Variants in EYA1 observed in about 807,000 individuals in gnomAD.
EYA1 encodes the protein EYA transcriptional coactivator and phosphatase 1.
A neutral mutation model predicts 82.0 loss-of-function variants in EYA1; 16 were observed. That is an observed-to-expected ratio of 0.20 (90% CI 0.13 to 0.30). The LOEUF (loss-of-function observed/expected upper bound fraction) is 0.30. Among genes scored for constraint, EYA1 ranks in the 10% least tolerant of loss-of-function variants. The probability of loss-of-function intolerance (pLI) is 1.00; values close to 1 mark genes in which losing one functional copy is unlikely to be tolerated. For synonymous variants in EYA1, 261 were observed against 264.4 expected, an observed-to-expected ratio of 0.99 and a Z score of 0.12; for missense variants, 633 against 730.7, an observed-to-expected ratio of 0.87 and a Z score of 1.54.
At chr8:71,322,061 T>C in intron 5 of EYA1, 138 bp downstream of exon 5, 1 of 1,081,118 alleles carries the variant, frequency 9.2e-7, no homozygotes, top group Non-Finnish European at 1.4e-6. Context: ...AAAATAAATT[T>C]GTATCAATAT....
intron 7 of EYA1, among the ~76,000 whole-genome samples, chr8:71,309,034 G>A (rs1269411698): frequency 1.3e-5 from 2 of 152,142 alleles, no homozygotes; most frequent in Non-Finnish European, 2.9e-5. Flanking sequence ...AAGGCCAGAT[G>A]GGCTATTTAA....
intron 17 of EYA1, 71 bp from the exon 18 acceptor site, chr8:71,199,491 C>G (rs1264698307): frequency 5.0e-6 from 5 of 998,610 alleles, no homozygotes; most frequent in Non-Finnish European, 7.8e-6. Context: ...TTTTGGAAAT[C>G]CACTCCCATG....
At chr8:71,263,167 A>G (rs1430602475) in intron 11 of EYA1, among the ~76,000 whole-genome samples, 2 of 151,918 alleles carry the variant, frequency 1.3e-5, no homozygotes, top group Admixed American at 1.3e-4. Context: ...TCCTGGGCAC[A>G]CAGGAAGGCT....
At chr8:71,297,705 C>T (rs929281609) in intron 9 of EYA1, among the ~76,000 whole-genome samples, 3 of 152,070 alleles carry the variant, frequency 2.0e-5, no homozygotes, top group Admixed American at 6.5e-5. Context: ...TCTATAAGAA[C>T]TCCTATAATA....
chr8:71,415,374 A>C (rs1163110532), intron 2 of EYA1, among the ~76,000 whole-genome samples: 1 of 152,208 alleles, frequency 6.6e-6, no homozygotes, highest in Non-Finnish European at 1.5e-5. Flanking sequence ...CAATTTTCAC[A>C]ATAACCCCAT....
intron 9 of EYA1, among the ~76,000 whole-genome samples, chr8:71,281,686 GC>G (rs1487280246): frequency 2.0e-5 from 3 of 152,246 alleles, no homozygotes; most frequent in African/African-American, 7.2e-5. Context: ...TGGAGGTGCA[GC>G]CTGTGCACTC....
upstream of EYA1, among the ~76,000 whole-genome samples, chr8:71,363,551 T>G (rs1473716043): frequency 1.3e-5 from 2 of 152,196 alleles, no homozygotes; most frequent in African/African-American, 2.4e-5. Context: ...TGATTGCTAT[T>G]GGATCTGTTC....
intron 6 of EYA1, among the ~76,000 whole-genome samples, chr8:71,319,892 C>T (rs1822343067): frequency 6.6e-6 from 1 of 152,076 alleles, no homozygotes; most frequent in African/African-American, 2.4e-5. Flanking sequence ...TCCTTCTACT[C>T]AAGTTCCCAA....
intron 2 of EYA1, among the ~76,000 whole-genome samples, chr8:71,466,323 C>A (rs1808766355): frequency 6.6e-6 from 1 of 151,930 alleles, no homozygotes; most frequent in African/African-American, 2.4e-5. Context: ...TTCAGTAGAA[C>A]TCTGTTCTTC....
At chr8:71,439,250 G>A (rs1806230448) in intron 2 of EYA1, among the ~76,000 whole-genome samples, 1 of 152,158 alleles carries the variant, frequency 6.6e-6, no homozygotes, top group South Asian at 2.1e-4. Flanking sequence ...CTCTTACTCA[G>A]TACCATCTAT....
intron 2 of EYA1, among the ~76,000 whole-genome samples, chr8:71,422,783 C>T (rs1054706729): frequency 6.6e-6 from 1 of 152,102 alleles, no homozygotes; most frequent in Non-Finnish European, 1.5e-5. Context: ...AGAACCCCAT[C>T]ACTATCAGGA....
chr8:71,461,342 A>G (rs534258072), intron 2 of EYA1, among the ~76,000 whole-genome samples: 23 of 152,228 alleles, frequency 1.5e-4, no homozygotes, highest in Admixed American at 1.2e-3. Flanking sequence ...ACAGTCAAAC[A>G]TGCCAGCTGC....
chr8:71,208,147 A>C (rs1010326838), intron 17 of EYA1, among the ~76,000 whole-genome samples: 2 of 152,128 alleles, frequency 1.3e-5, no homozygotes, highest in Non-Finnish European at 2.9e-5. Context: ...AATTAACTAA[A>C]ACTGGCCGGG....
chr8:71,397,207 A>T (rs1487267695), intron 2 of EYA1, among the ~76,000 whole-genome samples: 4 of 152,146 alleles, frequency 2.6e-5, no homozygotes, highest in African/African-American at 9.7e-5. Context: ...GGGTTTCCTG[A>T]ATACAGCACA....
At chr8:71,351,163 C>T (rs930238934) in intron 3 of EYA1, among the ~76,000 whole-genome samples, 1 of 152,124 alleles carries the variant, frequency 6.6e-6, no homozygotes, top group Admixed American at 6.6e-5. Context: ...TCTGGTTTTA[C>T]GTCACCTAAA....
intron 2 of EYA1, 92 bp from the exon 3 acceptor site, chr8:71,355,001 T>C (rs1179872206): frequency 2.7e-5 from 35 of 1,295,716 alleles, no homozygotes; most frequent in Non-Finnish European, 3.2e-5. Flanking sequence ...TGAAACACAC[T>C]TGCACAAAAG....
chr8:71,444,781 GA>G (rs1806729514), intron 2 of EYA1, among the ~76,000 whole-genome samples: 1 of 152,210 alleles, frequency 6.6e-6, no homozygotes, highest in Admixed American at 6.5e-5. Context: ...ACTGAAGTTG[GA>G]TTTGAACTGT....
chr8:71,323,980 T>A (rs1822873695), intron 4 of EYA1: 1 of 152,140 alleles, frequency 6.6e-6, no homozygotes, highest in Non-Finnish European at 1.5e-5. Flanking sequence ...GGAGAAGTAA[T>A]CTCTTCCTGG....
chr8:71,321,502 G>C (rs1242672340), intron 6 of EYA1, among the ~76,000 whole-genome samples: 2 of 152,196 alleles, frequency 1.3e-5, no homozygotes, highest in African/African-American at 4.8e-5. Flanking sequence ...CGAGAAAAAT[G>C]AGAGCAAGAA....
Sources: allele counts gnomAD v4.1 joint callset (sites outside exome capture counted in the v4.1 genomes callset), GRCh38; gene constraint gnomAD v4.1.1; transcripts MANE v1.5; gene names NCBI Gene and HGNC (gene_info 2026-07-23, HGNC 2026-07-21).